PTPN1: variants seen among roughly 807,000 people sequenced by gnomAD.
PTPN1 encodes the protein protein tyrosine phosphatase non-receptor type 1.
PTPN1 carries 12 observed loss-of-function variants against 59.9 expected under a neutral mutation model. That is an observed-to-expected ratio of 0.20 (90% CI 0.13 to 0.32). The LOEUF (loss-of-function observed/expected upper bound fraction) is 0.32. PTPN1 is among the 10% of genes least tolerant of loss of function. PTPN1 has a pLI of 1.00. For missense variants in PTPN1, 356 were observed against 549.2 expected (o/e 0.65, Z 3.52); for synonymous variants, 178 against 203.6 (o/e 0.87, Z 1.07).
chr20:50,559,703 G>A (rs909632341), intron 1 of PTPN1, among the ~76,000 whole-genome samples: 5 of 151,874 alleles, frequency 3.3e-5, no homozygotes, highest in African/African-American at 1.2e-4. Flanking sequence ...CTTCAGTTGA[G>A]CTTGTCATTT....
At chr20:50,570,753 G>A (rs569489523) in intron 4 of PTPN1, among the ~76,000 whole-genome samples, 50 of 152,288 alleles carry the variant, frequency 3.3e-4, no homozygotes, top group African/African-American at 1.2e-3. Flanking sequence ...TGTGCTGGGC[G>A]CTGTAGGAAG....
In PTPN1 at chr20:50,574,669, C is replaced by T. The variant is rs2122796949; in HGVS notation, c.492+15C>T. Reference sequence around the variant, plus strand: ...AAAACCTTACAGTGAGTATAGCACACACTTCAGCACTTCAGGCGGCTACTG... The same window carrying T: ...AAAACCTTACAGTGAGTATAGCACATACTTCAGCACTTCAGGCGGCTACTG... On this transcript the variant is annotated intron_variant, in intron 5 of 9. Transcript: ENST00000371621. 1 of 1,589,350 alleles carries T rather than the reference C, an allele frequency of 6.3e-7. No homozygotes were observed. The highest frequency in any genetic ancestry group is 8.5e-7 in the Non-Finnish European group (1 of 1,171,840).
chr20:50,568,582 C>A lies in PTPN1; in HGVS notation c.354+104C>A. 1.1e-6 allele frequency: 1 copy of A among 888,506 alleles called. No homozygotes were observed. The highest frequency in any genetic ancestry group is 2.4e-5 in the Admixed American group (1 of 42,114). 55.0% of individuals were successfully genotyped at this position (888,506 alleles called of 1,614,324 possible). A position where few individuals can be genotyped will look rare whatever the true frequency, so the allele number is the denominator to read the frequency against. ...AATTATTTTTCTTGCCTTTGTATTT[C>A]CTTTACGTAGTATTTTTATTTAAAA... On this transcript the variant is annotated intron_variant, in intron 4 of 9. Coordinates refer to ENST00000371621, the MANE Select transcript of PTPN1 (RefSeq NM_002827.4). This position sits in a 1 kb window ranked among gnomAD's most constrained non-coding sequence, Gnocchi z 5.6.
chr20:50,581,824 A>C (rs1316052264), intron 9 of PTPN1, among the ~76,000 whole-genome samples: 3 of 152,132 alleles, frequency 2.0e-5, no homozygotes, highest in Non-Finnish European at 4.4e-5. Flanking sequence ...CCTTTATAAA[A>C]AGCAGCTTTT....
chr20:50,556,168 G>GT (rs368491541), intron 1 of PTPN1, among the ~76,000 whole-genome samples: 1 of 151,572 alleles, frequency 6.6e-6, no homozygotes, highest in African/African-American at 2.4e-5. Context: ...TCATGCTGTT[G>GT]TTTTTTTGTG....
chr20:50,562,365 G>T (rs899602245), intron 2 of PTPN1, among the ~76,000 whole-genome samples: 3 of 152,198 alleles, frequency 2.0e-5, no homozygotes, highest in African/African-American at 7.2e-5. Context: ...TGACTTATGT[G>T]GCGCCCAGAT....
At chr20:50,513,697 G>A (rs756356562) in intron 1 of PTPN1, among the ~76,000 whole-genome samples, 6 of 152,162 alleles carry the variant, frequency 3.9e-5, no homozygotes, top group Non-Finnish European at 7.3e-5. Context: ...ACAATCTAAT[G>A]CCTGACTAGG....
In PTPN1 at chr20:50,583,299, T is replaced by C. The variant is rs2082878933; in HGVS notation, c.*584T>C. ...TGGGCCTGCTGCGTCAGACCAGTAC[T>C]GGGAAGGAGGACGGTTGTAAGCAGT... On this transcript the variant is annotated 3_prime_UTR_variant, in exon 10 of 10. Coordinates refer to ENST00000371621, the MANE Select transcript of PTPN1 (RefSeq NM_002827.4). 1 of 153,626 alleles carries C rather than the reference T, an allele frequency of 6.5e-6. No homozygotes were observed. The highest frequency in any genetic ancestry group is 2.0e-4 in the South Asian group (1 of 4,910). 9.5% of individuals were successfully genotyped at this position (153,626 alleles called of 1,614,324 possible). A position where few individuals can be genotyped will look rare whatever the true frequency, so the allele number is the denominator to read the frequency against.
intron 1 of PTPN1, among the ~76,000 whole-genome samples, chr20:50,535,703 G>C (rs1357758116): frequency 2.6e-5 from 4 of 152,012 alleles, no homozygotes; most frequent in Non-Finnish European, 5.9e-5. Flanking sequence ...ATTTTTATTT[G>C]GTTGCTTATA....
intron 1 of PTPN1, among the ~76,000 whole-genome samples, chr20:50,558,709 G>C (rs2082736426): frequency 6.6e-6 from 1 of 152,034 alleles, no homozygotes; most frequent in Non-Finnish European, 1.5e-5. Context: ...TTTTCCTCTA[G>C]TAGTTTTGTT....
intron 1 of PTPN1, among the ~76,000 whole-genome samples, chr20:50,539,820 G>A (rs2082641723): frequency 6.6e-6 from 1 of 151,558 alleles, no homozygotes; most frequent in Non-Finnish European, 1.5e-5. Context: ...ATGTCTTGGT[G>A]TTGGCTGTTT....
chr20:50,556,034 CTT>C (rs745934751), intron 1 of PTPN1, among the ~76,000 whole-genome samples: 2 of 143,182 alleles, frequency 1.4e-5, no homozygotes. Context: ...TTTTTCAGGT[CTT>C]TTTTTTTTTT....
intron 1 of PTPN1, among the ~76,000 whole-genome samples, chr20:50,537,400 C>T (rs1328766712): frequency 1.3e-5 from 2 of 152,110 alleles, no homozygotes; most frequent in Non-Finnish European, 2.9e-5. Flanking sequence ...CCTAGTTCCC[C>T]CATCCACTGC....
At chr20:50,562,403 A>C (rs2082757143) in intron 2 of PTPN1, among the ~76,000 whole-genome samples, 2 of 152,218 alleles carry the variant, frequency 1.3e-5, no homozygotes, top group African/African-American at 4.8e-5. Context: ...AAATGGACCT[A>C]GACTTGGTGT....
At chr20:50,542,862 C>T (rs6063533) in intron 1 of PTPN1, among the ~76,000 whole-genome samples, 72,609 of 152,046 alleles carry the variant, frequency 0.48, 17,863 homozygotes, top group Middle Eastern at 0.65. Context: ...ACCAAAAGAT[C>T]TTGCATCTGT....
intron 1 of PTPN1, among the ~76,000 whole-genome samples, chr20:50,550,617 A>G (rs2082698048): frequency 6.6e-6 from 1 of 152,226 alleles, no homozygotes; most frequent in African/African-American, 2.4e-5. Flanking sequence ...CTTCTGTTCT[A>G]TAAAGAATGT....
chr20:50,568,074 C>T lies in PTPN1; in HGVS notation c.256-306C>T, dbSNP rs965087978. 5.3e-5 allele frequency among the ~76,000 whole-genome samples: 8 copies of T among 152,316 alleles called. No individual in the cohort carries two copies. The highest frequency in any genetic ancestry group is 1.7e-4 in the African/African-American group (7 of 41,568). On this transcript the variant is annotated intron_variant, in intron 3 of 9. Coordinates refer to ENST00000371621, the MANE Select transcript of PTPN1 (RefSeq NM_002827.4). The surrounding 1 kb of genome is among the most constrained non-coding windows in gnomAD (Gnocchi z 5.6). ...TCCCATAGCCCAAGGGCCTTGGGGA[C>T]GAATCTCAGTGGAGGCCCTTAGCGG...
chr20:50,512,201 C>T (rs2082510638), intron 1 of PTPN1, among the ~76,000 whole-genome samples: 1 of 152,104 alleles, frequency 6.6e-6, no homozygotes, highest in African/African-American at 2.4e-5. Context: ...ACTGTGTAGA[C>T]AAATTTTCTG....
intron 4 of PTPN1, among the ~76,000 whole-genome samples, chr20:50,570,018 C>T (rs893845566): frequency 1.7e-4 from 26 of 152,226 alleles, no homozygotes; most frequent in African/African-American, 5.8e-4. Context: ...GGTCCAGGCT[C>T]AGCTAGGACA....
Sources: gnomAD v4.1 joint callset for allele counts (sites outside exome capture counted in the v4.1 genomes callset) on GRCh38, gnomAD v4.1.1 for gene constraint, Gnocchi (gnomAD v3.1) non-coding constraint, MANE v1.5 for transcripts, NCBI Gene and HGNC (gene_info 2026-07-23, HGNC 2026-07-21) for gene names.